DPYD: variants seen among roughly 807,000 people sequenced by gnomAD.
DPYD encodes dihydropyrimidine dehydrogenase [NADP(+)].
In DPYD, 109 loss-of-function variants were observed where a neutral mutation model predicts 116.2. That is an observed-to-expected ratio of 0.94 (90% CI 0.80 to 1.10). The LOEUF (loss-of-function observed/expected upper bound fraction) is 1.10, where lower values mean the gene tolerates loss of function less well. Among genes scored for constraint, DPYD ranks in the 50% least tolerant of loss-of-function variants. The pLI is 0.00. For missense variants in DPYD, 1,302 were observed against 1,254.5 expected (o/e 1.04, Z -0.57); for synonymous variants, 440 against 432.0 (o/e 1.02, Z -0.23).
chr1:97,640,497 TG>T (rs1249258442), intron 8 of DPYD, among the ~76,000 whole-genome samples: 1 of 151,708 alleles, frequency 6.6e-6, no homozygotes, highest in African/African-American at 2.4e-5. Flanking sequence ...TTAGTAGAGG[TG>T]GGGTTTCACC....
At chr1:97,195,630 A>ATGTGTATGTG (rs1557929522) in intron 19 of DPYD, among the ~76,000 whole-genome samples, 8 of 47,192 alleles carry the variant, frequency 1.7e-4, no homozygotes, top group East Asian at 1.1e-3. Flanking sequence ...GTGTATATGT[A>ATGTGTATGTG]TGTGTATATA....
Position 97,369,556 on chromosome 1 carries a change from G to A in DPYD, c.2058+4005C>T, listed in dbSNP as rs571184981. ...ACCAAATCTTTGACCTGGGAAACTC[G>A]AGGGCCTCTGCCTTGTGAAAAATGG... On this transcript the variant is annotated intron_variant, in intron 16 of 22. Coordinates refer to ENST00000370192, the MANE Select transcript of DPYD (RefSeq NM_000110.4). 3.3e-5 allele frequency among the ~76,000 whole-genome samples: 5 copies of A among 152,236 alleles called. No homozygotes were observed. In the East Asian group the frequency reaches 9.7e-4, roughly 29 times the overall value.
chr1:97,470,084 A>G (rs188314942), intron 13 of DPYD, among the ~76,000 whole-genome samples: 6 of 152,344 alleles, frequency 3.9e-5, no homozygotes, highest in Admixed American at 3.9e-4. Flanking sequence ...CTGAGGGACC[A>G]GATTAAGAGA....
rs1012551498 is a variant in DPYD at position 97,398,426 on chromosome 1, T to C, written c.1906-15965A>G. Among the ~76,000 whole-genome samples the C allele has an allele frequency of 7.2e-5, 11 of 152,192 alleles. No homozygotes were observed. The East Asian group carries it at 7.7e-4, about 11-fold the overall frequency. On this transcript the variant is annotated intron_variant, in intron 14 of 22. Coordinates refer to ENST00000370192, the MANE Select transcript of DPYD (RefSeq NM_000110.4). ...AAACATATGTGTGCATGTGTCTTTA[T>C]AGCAGCATGATTTATAGTCCTTTGG...
intron 13 of DPYD, among the ~76,000 whole-genome samples, chr1:97,494,182 A>G (rs940542300): frequency 6.6e-6 from 1 of 152,186 alleles, no homozygotes; most frequent in Non-Finnish European, 1.5e-5. Context: ...CTCTAAAAAA[A>G]TTTAAAATGT....
intron 12 of DPYD, among the ~76,000 whole-genome samples, chr1:97,543,504 TA>T (rs1301752649): frequency 6.6e-6 from 1 of 152,212 alleles, no homozygotes; most frequent in Non-Finnish European, 1.5e-5. Flanking sequence ...GCATTAATAC[TA>T]TAATCTGTTT....
chr1:97,895,675 G>T (rs772651009), intron 1 of DPYD, among the ~76,000 whole-genome samples: 12 of 151,700 alleles, frequency 7.9e-5, no homozygotes, highest in Non-Finnish European at 1.2e-4. Flanking sequence ...GAGCTGAGGA[G>T]TTGGGGAATT....
chr1:97,584,100 G>A (rs1326971456), intron 10 of DPYD, among the ~76,000 whole-genome samples: 1 of 152,098 alleles, frequency 6.6e-6, no homozygotes, highest in African/African-American at 2.4e-5. Context: ...TTTAATGATC[G>A]CCATTCTAAC....
chr1:97,893,007 G>C (rs1038791608), intron 1 of DPYD, among the ~76,000 whole-genome samples: 33 of 151,758 alleles, frequency 2.2e-4, no homozygotes, highest in African/African-American at 8.0e-4. Flanking sequence ...GGGTTGTTGT[G>C]ATGATTAAAT....
chr1:97,205,297 A>G (rs1659512027), intron 19 of DPYD, among the ~76,000 whole-genome samples: 2 of 151,990 alleles, frequency 1.3e-5, no homozygotes, highest in Non-Finnish European at 2.9e-5. Flanking sequence ...AAAATCTACT[A>G]TGCTGTACGT....
chr1:97,306,276 T>C lies in DPYD; in HGVS notation c.2080A>G (p.Ile694Val), dbSNP rs756890859. Reference sequence around the variant, plus strand: ...ACAGCTTGCCTAACCCAGCGGCAGATGTTCCGCACCAGCTCTGGATCCTGT... The same window carrying C: ...ACAGCTTGCCTAACCCAGCGGCAGACGTTCCGCACCAGCTCTGGATCCTGT... ...CGQDPELVRN[I>V]CRWVRQAVQI... The change falls in exon 17 of 23, where the codon ATC becomes GTC. Residue 694 changes from isoleucine to valine, a missense_variant. Physicochemically the swap from Ile to Val is conservative, Grantham distance 29. Coordinates refer to ENST00000370192, the MANE Select transcript of DPYD (RefSeq NM_000110.4). 4 of 1,612,374 alleles carry C rather than the reference T, an allele frequency of 2.5e-6. No individual in the cohort carries two copies. The East Asian group carries it at 8.9e-5, about 36-fold the overall frequency.
At chr1:97,170,120 T>C (rs1656616254) in intron 20 of DPYD, among the ~76,000 whole-genome samples, 1 of 152,144 alleles carries the variant, frequency 6.6e-6, no homozygotes, top group Admixed American at 6.6e-5. Context: ...ATAACCCACA[T>C]ACAGATCTAG....
chr1:97,628,324 A>T (rs1337521), intron 8 of DPYD, among the ~76,000 whole-genome samples: 119,716 of 151,978 alleles, frequency 0.79, 48,222 homozygotes, highest in East Asian at 0.96. Flanking sequence ...AGGCAACTCA[A>T]ACTTTGAATA....
chr1:97,877,341 GT>G (rs1301739713), intron 2 of DPYD, among the ~76,000 whole-genome samples: 1 of 151,856 alleles, frequency 6.6e-6, no homozygotes, highest in African/African-American at 2.4e-5. Context: ...TAAAACTTAG[GT>G]ATCAGCTCGC....
At chr1:97,521,938 C>A (rs570470717) in intron 12 of DPYD, among the ~76,000 whole-genome samples, 1 of 152,120 alleles carries the variant, frequency 6.6e-6, no homozygotes, top group Non-Finnish European at 1.5e-5. Context: ...AAATGTAAGA[C>A]CTAAAACCAT....
intron 18 of DPYD, among the ~76,000 whole-genome samples, chr1:97,291,722 G>T (rs1430362507): frequency 1.3e-5 from 2 of 151,946 alleles, no homozygotes; most frequent in Non-Finnish European, 2.9e-5. Flanking sequence ...AGCATTAGGA[G>T]ATATACCTAA....
At chr1:97,567,872 TTC>T (rs1652636030) in intron 11 of DPYD, among the ~76,000 whole-genome samples, 2 of 53,866 alleles carry the variant, frequency 3.7e-5, no homozygotes, top group South Asian at 2.3e-3. Context: ...AAATGGAGAT[TTC>T]TTTTTTTTTT....
intron 1 of DPYD, among the ~76,000 whole-genome samples, chr1:97,906,698 T>C (rs557696222): frequency 2.0e-5 from 3 of 152,168 alleles, no homozygotes; most frequent in Admixed American, 2.0e-4. Flanking sequence ...TTTCAATGCT[T>C]TTTCCGTTGT....
intron 13 of DPYD, among the ~76,000 whole-genome samples, chr1:97,456,117 T>A (rs1243760343): frequency 6.6e-6 from 1 of 151,924 alleles, no homozygotes; most frequent in Admixed American, 6.6e-5. Context: ...ATATCCATGG[T>A]TGCATATCTA....
Sources: allele counts gnomAD v4.1 joint callset (sites outside exome capture counted in the v4.1 genomes callset), GRCh38; gene constraint gnomAD v4.1.1; transcripts MANE v1.5; gene names NCBI Gene and HGNC (gene_info 2026-07-23, HGNC 2026-07-21).